Variants in SZRD1 observed in about 807,000 individuals in gnomAD.
The protein encoded by SZRD1 is SUZ RNA binding domain containing 1.
SZRD1 carries 7 observed loss-of-function variants against 17.6 expected under a neutral mutation model. The ratio of observed to expected loss-of-function variants is 0.40; its 90% CI spans 0.23 to 0.75. The LOEUF (loss-of-function observed/expected upper bound fraction) is 0.75. SZRD1 is among the 30% of genes least tolerant of loss of function. SZRD1 has a pLI of 0.38. For synonymous variants in SZRD1, 77 were observed against 77.9 expected (o/e 0.99, Z 0.06); for missense variants, 178 against 201.8 (o/e 0.88, Z 0.71).
chr1:16,376,322 G>A (rs2083002342), intron 1 of SZRD1, among the ~76,000 whole-genome samples: 1 of 152,178 alleles, frequency 6.6e-6, no homozygotes, highest in Admixed American at 6.5e-5. Context: ...TTGACCTCCT[G>A]CCTCTGTAGC....
In SZRD1 at chr1:16,375,122, C is replaced by T. The variant is rs554054670; in HGVS notation, c.51+7814C>T. Among the ~76,000 whole-genome samples the T allele has an allele frequency of 3.3e-5, 5 of 152,206 alleles. No individual in the cohort carries two copies. In the East Asian group the frequency reaches 5.8e-4, roughly 18 times the overall value. ...CAAACTCGTGACCTCGTGATCCGCC[C>T]GCCTCGGCCTCCCAAAATGCTGGGA... is the stretch of plus-strand genomic sequence containing the variant. On this transcript the variant is annotated intron_variant, in intron 1 of 3. Coordinates refer to ENST00000401088, the MANE Select transcript of SZRD1 (RefSeq NM_001114600.3).
At chr1:16,387,872 C>T (rs557452743) in intron 1 of SZRD1, 3 of 359,366 alleles carry the variant, frequency 8.3e-6, no homozygotes, top group Non-Finnish European at 1.6e-5. Flanking sequence ...TAATACAATT[C>T]CATCAATACA....
chr1:16,394,178 T>C (rs1311914504), intron 3 of SZRD1, among the ~76,000 whole-genome samples: 1 of 152,232 alleles, frequency 6.6e-6, no homozygotes, highest in Non-Finnish European at 1.5e-5. Flanking sequence ...AGAAAAAATC[T>C]GCGTACCTTC....
intron 1 of SZRD1, among the ~76,000 whole-genome samples, chr1:16,374,603 A>C (rs11803997): frequency 0.027 from 4,100 of 152,228 alleles, 182 homozygotes; most frequent in African/African-American, 0.091. Flanking sequence ...GAGAAAAGTC[A>C]CAGTTGTCTA....
At position 16,391,226 on chromosome 1, in the gene SZRD1, C is replaced by G. The variant is rs752544250; in HGVS notation, c.52-149C>G. The G allele has an allele frequency of 3.1e-6, 2 of 645,946 alleles. No individual in the cohort carries two copies. The highest frequency in any genetic ancestry group is 2.7e-6 in the Non-Finnish European group (1 of 367,082). 40.0% of individuals were successfully genotyped at this position (645,946 alleles called of 1,614,324 possible). On this transcript the variant is annotated intron_variant, in intron 1 of 3. Coordinates refer to ENST00000401088, the MANE Select transcript of SZRD1 (RefSeq NM_001114600.3). The surrounding 1 kb of genome is among the most constrained non-coding windows in gnomAD (Gnocchi z 4.3). ...TGCAGAGGGTATCAGGTCCCCAAAC[C>G]CCAAAATCTAGTCCACATTTGTTAT...
intron 1 of SZRD1, among the ~76,000 whole-genome samples, chr1:16,375,168 G>A (rs757656035): frequency 1.3e-5 from 2 of 152,104 alleles, no homozygotes; most frequent in Non-Finnish European, 2.9e-5. Flanking sequence ...GAGCCACCAC[G>A]CCTGGCCTTT....
chr1:16,381,203 G>C (rs905815420), intron 1 of SZRD1, among the ~76,000 whole-genome samples: 1 of 151,964 alleles, frequency 6.6e-6, no homozygotes, highest in Admixed American at 6.6e-5. Flanking sequence ...GCAGTGAGCT[G>C]TGATTGTACC....
chr1:16,378,215 T>C (rs893308167), intron 1 of SZRD1, among the ~76,000 whole-genome samples: 1 of 152,088 alleles, frequency 6.6e-6, no homozygotes, highest in African/African-American at 2.4e-5. Flanking sequence ...TTTTGAGGCT[T>C]TCTAGCCTGG....
At position 16,395,212 on chromosome 1, in the gene SZRD1, C is replaced by A; in HGVS notation, c.*72C>A. 1.9e-6 allele frequency: 2 copies of A among 1,041,530 alleles called. No homozygotes were observed. Among genetic ancestry groups the A allele is most frequent in the Non-Finnish European group, 3.0e-6 (2 of 663,334 alleles). 64.5% of individuals were successfully genotyped at this position (1,041,530 alleles called of 1,614,324 possible). On this transcript the variant is annotated 3_prime_UTR_variant, in exon 4 of 4. Coordinates refer to ENST00000401088, the MANE Select transcript of SZRD1 (RefSeq NM_001114600.3). Reference sequence around the variant, plus strand: ...GGGTCGTCCGCCACGGGTTGCACTGCCGTGGCAGACAGCTGGACTTGAGCA... The same window carrying A: ...GGGTCGTCCGCCACGGGTTGCACTGACGTGGCAGACAGCTGGACTTGAGCA...
At chr1:16,380,338 C>T (rs1361239581) in intron 1 of SZRD1, among the ~76,000 whole-genome samples, 1 of 150,704 alleles carries the variant, frequency 6.6e-6, no homozygotes, top group Non-Finnish European at 1.5e-5. Flanking sequence ...GGAGTCTCAC[C>T]CTGTCTCCCA....
At chr1:16,394,847 C>T (rs140986276) in intron 3 of SZRD1, among the ~76,000 whole-genome samples, 191 bp from the exon 4 acceptor site, 3,243 of 152,148 alleles carry the variant, frequency 0.021, 116 homozygotes, top group African/African-American at 0.073. Flanking sequence ...CCCAGCTACT[C>T]GGTAGGCTGA....
chr1:16,393,096 T>G lies in SZRD1; in HGVS notation c.102-132T>G. The G allele has an allele frequency of 7.7e-7, 1 of 1,293,374 alleles. No homozygotes were observed. Among genetic ancestry groups the G allele is most frequent in the Non-Finnish European group, 1.1e-6 (1 of 923,680 alleles). 80.1% of individuals were successfully genotyped at this position (1,293,374 alleles called of 1,614,324 possible). On this transcript the variant is annotated intron_variant, in intron 2 of 3. Coordinates refer to ENST00000401088, the MANE Select transcript of SZRD1 (RefSeq NM_001114600.3). This position sits in a 1 kb window ranked among gnomAD's most constrained non-coding sequence, Gnocchi z 5.6. ...GAGGAGTGGAAATTTTGCTGTCTGG[T>G]CAGAGGCCAGAGAATCATGCATGGG... is the stretch of plus-strand genomic sequence containing the variant.
intron 1 of SZRD1, chr1:16,368,142 C>G (rs1192022477): frequency 1.3e-5 from 2 of 152,214 alleles, no homozygotes; most frequent in African/African-American, 4.8e-5. Flanking sequence ...GAGGATCTGT[C>G]AATTCTCTTA....
At chr1:16,390,587 G>A (rs2085205781) in intron 1 of SZRD1, 1 of 152,150 alleles carries the variant, frequency 6.6e-6, no homozygotes, top group South Asian at 2.1e-4. Flanking sequence ...GACCTCCAAA[G>A]CCACAAACAT....
intron 1 of SZRD1, among the ~76,000 whole-genome samples, chr1:16,375,461 C>T (rs1253676350): frequency 1.3e-5 from 2 of 152,116 alleles, no homozygotes; most frequent in Non-Finnish European, 2.9e-5. Flanking sequence ...ACTACAGGCT[C>T]ATGTCACCAT....
Position 16,391,419 on chromosome 1 carries a change from A to G in SZRD1, c.96A>G (p.Lys32=). The G allele has an allele frequency of 1.3e-6, 2 of 1,549,358 alleles. No individual in the cohort carries two copies. The highest frequency in any genetic ancestry group is 1.7e-6 in the Non-Finnish European group (2 of 1,146,560). Residue 32 remains lysine, a synonymous_variant, in exon 2 of 4, where the codon AAA becomes AAG. Transcript: ENST00000401088. This position sits in a 1 kb window ranked among gnomAD's most constrained non-coding sequence, Gnocchi z 4.3. ...AAAAAAAACTGAAGATCACACAAAA[A>G]GAGAGGTAAGGCTGCTGTCTGGTCT... is the stretch of plus-strand genomic sequence containing the variant. ...RLEKKLKITQ[K]ESRKSKSPPK... is the part of the protein sequence containing the mutation.
At chr1:16,388,590 C>G (rs983169040) in intron 1 of SZRD1, among the ~76,000 whole-genome samples, 3 of 150,534 alleles carry the variant, frequency 2.0e-5, no homozygotes, top group African/African-American at 7.3e-5. Context: ...GAAAGCTGGC[C>G]AACTTTATTA....
chr1:16,381,281 G>A (rs1045907218), intron 1 of SZRD1, among the ~76,000 whole-genome samples: 1 of 151,844 alleles, frequency 6.6e-6, no homozygotes, highest in Non-Finnish European at 1.5e-5. Context: ...AAATAATGTT[G>A]GGCATGGTGG....
chr1:16,371,683 G>T (rs1206897554), intron 1 of SZRD1, among the ~76,000 whole-genome samples: 1 of 149,604 alleles, frequency 6.7e-6, no homozygotes, highest in Non-Finnish European at 1.5e-5. Context: ...GGATGGTCTC[G>T]ATCTCCTGAC....
Sources: allele counts gnomAD v4.1 joint callset (sites outside exome capture counted in the v4.1 genomes callset), GRCh38; gene constraint gnomAD v4.1.1; non-coding constraint Gnocchi (gnomAD v3.1); transcripts MANE v1.5; gene names NCBI Gene and HGNC (gene_info 2026-07-23, HGNC 2026-07-21).